The following TRIM49 variants were observed in gnomAD, a reference collection of about 807,000 sequenced individuals.
TRIM49 encodes tripartite motif-containing protein 49.
In TRIM49, 5 loss-of-function variants were observed where a neutral mutation model predicts 27.4. That is an observed-to-expected ratio of 0.18 (90% CI 0.10 to 0.38). The LOEUF (loss-of-function observed/expected upper bound fraction) is 0.38, where lower values mean the gene tolerates loss of function less well. Ranked by LOEUF, TRIM49 falls within the 10% of genes least tolerant of loss-of-function variation. The probability of loss-of-function intolerance (pLI) is 1.00; values close to 1 mark genes in which losing one functional copy is unlikely to be tolerated. For missense variants in TRIM49, 188 were observed against 487.5 expected, an observed-to-expected ratio of 0.39 and a Z score of 5.79; for synonymous variants, 69 against 166.0, an observed-to-expected ratio of 0.42 and a Z score of 4.49.
the TRIM49 span, chr11:89,789,748 A>G: frequency 1.3e-5 from 2 of 152,058 alleles, no homozygotes; most frequent in Non-Finnish European, 2.9e-5. Context: ...CGCCATGGGA[A>G]GTTAAAAATC....
chr11:89,776,831 C>T, the TRIM49 span: 5 of 671,142 alleles, frequency 7.4e-6, no homozygotes, highest in African/African-American at 3.6e-5. Context: ...TACTATGTCT[C>T]AGTTTGTACT....
chr11:89,791,772 C>A, the TRIM49 span, among the ~76,000 whole-genome samples: 5 of 152,206 alleles, frequency 3.3e-5, no homozygotes, highest in Non-Finnish European at 7.3e-5. Context: ...AGAACCAGCA[C>A]CAGCCACTGC....
downstream of TRIM49, among the ~76,000 whole-genome samples, chr11:89,793,802 G>A (rs1487291678): frequency 3.3e-5 from 5 of 152,044 alleles, no homozygotes; most frequent in African/African-American, 9.6e-5. Flanking sequence ...GCAAAAACTG[G>A]AAGCATGCCC....
At chr11:89,787,883 G>A in the TRIM49 span, 1 of 421,684 alleles carries the variant, frequency 2.4e-6, no homozygotes, top group Non-Finnish European at 4.3e-6. Flanking sequence ...GCAGGGCAAG[G>A]CCGCGGGGCT....
the TRIM49 span, among the ~76,000 whole-genome samples, chr11:89,778,277 T>G: frequency 6.6e-6 from 1 of 152,042 alleles, no homozygotes; most frequent in African/African-American, 2.4e-5. Context: ...ACACTGCAGA[T>G]GAGACAACAT....
At chr11:89,789,904 TG>T in the TRIM49 span, among the ~76,000 whole-genome samples, 1 of 151,270 alleles carries the variant, frequency 6.6e-6, no homozygotes, top group African/African-American at 2.5e-5. Context: ...TGTCAGACAG[TG>T]GGTGCAGGAC....
the TRIM49 span, among the ~76,000 whole-genome samples, chr11:89,783,666 C>T: frequency 2.8e-5 from 4 of 143,538 alleles, no homozygotes; most frequent in Non-Finnish European, 6.0e-5. Flanking sequence ...TATAAACCTT[C>T]CTATGCAGTA....
chr11:89,805,591 A>G (rs562662343), intron 2 of TRIM49, among the ~76,000 whole-genome samples: 2 of 151,784 alleles, frequency 1.3e-5, no homozygotes, highest in African/African-American at 2.4e-5. Context: ...GACAGCCTAT[A>G]TTGGAACTCT....
chr11:89,791,071 A>C, the TRIM49 span, among the ~76,000 whole-genome samples: 1 of 149,460 alleles, frequency 6.7e-6, no homozygotes, highest in East Asian at 2.0e-4. Context: ...GGAGGTGAAA[A>C]CCATGGCAGG....
At chr11:89,792,157 G>A in the TRIM49 span, among the ~76,000 whole-genome samples, 3 of 152,224 alleles carry the variant, frequency 2.0e-5, no homozygotes, top group East Asian at 1.9e-4. Flanking sequence ...AGGCCATTAC[G>A]TAATGCTAAA....
At chr11:89,794,546 AC>A (rs1391086830), downstream of TRIM49, among the ~76,000 whole-genome samples, 1 of 151,148 alleles carries the variant, frequency 6.6e-6, no homozygotes, top group Non-Finnish European at 1.5e-5. Context: ...AGAGACATAG[AC>A]CAATGGAATA....
chr11:89,774,229 T>C, the TRIM49 span, among the ~76,000 whole-genome samples: 1 of 151,016 alleles, frequency 6.6e-6, no homozygotes, highest in South Asian at 2.1e-4. Context: ...CTTGAACTCC[T>C]GACCTCGTGA....
the TRIM49 span, among the ~76,000 whole-genome samples, chr11:89,770,609 C>T: frequency 7.0e-6 from 1 of 141,952 alleles, no homozygotes; most frequent in South Asian, 2.2e-4. Context: ...CCTGTAATCC[C>T]AGCACTTTGG....
In TRIM49 at chr11:89,798,722, T is replaced by A. The variant is rs1187946813; in HGVS notation, c.860-93A>T. Reference sequence around the variant, plus strand: ...CAAGAAGTTACTTTACCAGCAAATGTAAAGTCATAAAATGTTTTGCTTGTA... The same window carrying A: ...CAAGAAGTTACTTTACCAGCAAATGAAAAGTCATAAAATGTTTTGCTTGTA... On this transcript the variant is annotated intron_variant, in intron 7 of 7. Coordinates refer to ENST00000329758, the MANE Select transcript of TRIM49 (RefSeq NM_020358.2). 6.6e-6 allele frequency: 9 copies of A among 1,369,224 alleles called. 1 individual carries two copies. The highest frequency in any genetic ancestry group is 7.5e-6 in the Non-Finnish European group (8 of 1,069,136). 84.8% of individuals were successfully genotyped at this position (1,369,224 alleles called of 1,614,324 possible).
rs1591512250 is a variant in TRIM49, at chr11:89,798,356, A to G, written c.1133T>C (p.Phe378Ser). The change falls in exon 8 of 8, where the codon TTT (phenylalanine) becomes TCT (serine). Residue 378 changes from phenylalanine (F) to serine (S), a missense_variant. Physicochemically the swap from Phe to Ser is radical, Grantham distance 155. This residue lies in a region of TRIM49 where 94 missense variants were observed against 149.6 expected (regional missense o/e 0.63). Coordinates refer to ENST00000329758, the MANE Select transcript of TRIM49 (RefSeq NM_020358.2). ...NEKIDGKAGL[F>S]LLGCVKNDIQ... ...GTCATTCTTAACACACCCAAGAAGA[A>G]AGAGTCCCGCCTTTCCATCTATCTT... 2.5e-6 allele frequency: 4 copies of G among 1,574,242 alleles called. No homozygotes were observed. In the East Asian group the frequency reaches 9.9e-5, roughly 39 times the overall value.
chr11:89,782,445 T>C, the TRIM49 span: 3 of 1,312,848 alleles, frequency 2.3e-6, no homozygotes, highest in African/African-American at 4.4e-5. Flanking sequence ...TAAGACACTA[T>C]GTGTGAGAGC....
chr11:89,793,198 C>T (rs1237480170), downstream of TRIM49, among the ~76,000 whole-genome samples: 3 of 152,128 alleles, frequency 2.0e-5, no homozygotes, highest in African/African-American at 7.2e-5. Flanking sequence ...AGTTGAATCC[C>T]TGAATAGATC....
downstream of TRIM49, among the ~76,000 whole-genome samples, chr11:89,796,571 C>T (rs1796981540): frequency 6.8e-6 from 1 of 146,794 alleles, no homozygotes; most frequent in Admixed American, 6.7e-5. Context: ...CATTATTTGA[C>T]ATTTTGGGTC....
chr11:89,804,453 A>G lies in TRIM49; in HGVS notation c.17T>C (p.Leu6Ser), dbSNP rs1455091392. ...GATGAGTTCCCCCTGAAAGACCTGTAAGATTCCAGAATTCATGTTTCTGAG... is the reference window on the plus strand; with the variant it reads ...GATGAGTTCCCCCTGAAAGACCTGTGAGATTCCAGAATTCATGTTTCTGAG... MNSGI[L>S]QVFQGELICP... The change falls in exon 3 of 8, where the codon TTA (leucine) becomes TCA (serine). Residue 6 changes from leucine (L) to serine (S), a missense_variant. By Grantham distance (145) the Leu-to-Ser change is moderately radical. This residue lies in a region of TRIM49 where 12 missense variants were observed against 45.4 expected (regional missense o/e 0.26). Coordinates refer to ENST00000329758, the MANE Select transcript of TRIM49 (RefSeq NM_020358.2). 1.3e-6 allele frequency: 2 copies of G among 1,594,246 alleles called. No individual in the cohort carries two copies. The highest frequency in any genetic ancestry group is 1.7e-5 in the Admixed American group (1 of 58,630).
Sources: gnomAD v4.1 joint callset for allele counts (sites outside exome capture counted in the v4.1 genomes callset) on GRCh38, gnomAD v4.1.1 for gene constraint, gnomAD v4.1.1 regional missense constraint, MANE v1.5 for transcripts, NCBI Gene and HGNC (gene_info 2026-07-23, HGNC 2026-07-21) for gene names.